The following MICAL1 variants were observed in gnomAD, a reference collection of about 807,000 sequenced individuals.
The protein encoded by MICAL1 is [F-actin]-monooxygenase MICAL1.
Under a neutral mutation model 131.8 loss-of-function variants are expected in MICAL1, and 95 were observed. That is an observed-to-expected ratio of 0.72 (90% CI 0.61 to 0.86). MICAL1 has a LOEUF of 0.86. MICAL1 is among the 40% of genes least tolerant of loss of function. The pLI is 0.00. For missense variants in MICAL1, 1,292 were observed against 1,380.6 expected, an observed-to-expected ratio of 0.94 and a Z score of 1.02; for synonymous variants, 546 against 554.2, an observed-to-expected ratio of 0.99 and a Z score of 0.21.
chr6:109,452,337 T>C lies in MICAL1; in HGVS notation c.741A>G (p.Gly247=). The part of the protein sequence containing the change: ...AIGITANFVN[G]RTVEETQVPE... ...GCACCTGTGTCTCCTCCACGGTGCG[T>C]CCATTCACAAAGTTGGCTGTGATGC... Residue 247 remains glycine (G), a synonymous_variant, in exon 6 of 25, where the codon GGA becomes GGG. Coordinates refer to ENST00000358807, the MANE Select transcript of MICAL1 (RefSeq NM_022765.4). The C allele has an allele frequency of 6.2e-7, 1 of 1,614,180 alleles. No homozygotes were observed. Among genetic ancestry groups the C allele is most frequent in the Non-Finnish European group, 8.5e-7 (1 of 1,180,032 alleles).
intron 7 of MICAL1, 42 bp downstream of exon 7, chr6:109,451,558 G>A: frequency 6.2e-7 from 1 of 1,610,188 alleles, no homozygotes. Flanking sequence ...CTGCCTCCCG[G>A]GGCTCACCAC....
At chr6:109,457,444 G>C (rs945103305), upstream of MICAL1, among the ~76,000 whole-genome samples, 1 of 152,114 alleles carries the variant, frequency 6.6e-6, no homozygotes, top group African/African-American at 2.4e-5. Flanking sequence ...GGCATTATAC[G>C]AAGCTATGTC....
chr6:109,444,553 C>G (rs895520102), intron 24 of MICAL1, among the ~76,000 whole-genome samples, 172 bp downstream of exon 24: 6 of 152,196 alleles, frequency 3.9e-5, no homozygotes, highest in Non-Finnish European at 8.8e-5. Flanking sequence ...CTGTGCAGCT[C>G]TGATTGAACT....
chr6:109,459,666 T>G (rs1167234189), upstream of MICAL1, among the ~76,000 whole-genome samples: 3 of 152,196 alleles, frequency 2.0e-5, no homozygotes, highest in Non-Finnish European at 4.4e-5. Flanking sequence ...ACACAAGGAC[T>G]CTACCTTGAG....
Position 109,451,640 on chromosome 6 carries a change from G to T in MICAL1, c.893C>A (p.Ala298Asp), listed in dbSNP as rs1271582285. 2.5e-6 allele frequency: 4 copies of T among 1,614,064 alleles called. No individual in the cohort carries two copies. The highest frequency in any genetic ancestry group is 3.4e-6 in the Non-Finnish European group (4 of 1,179,986). ...KDDTHYFVMT[A>D]KKQCLLRLGV... The stretch of plus-strand genomic sequence containing the variant: ...CAGCCGCAGCAGGCACTGCTTCTTG[G>T]CTGTCATCACAAAGTAGTGGGTGTC... Residue 298 changes from alanine (A) to aspartate (D), a missense_variant, in exon 7 of 25, where the codon GCC becomes GAC. Transcript: ENST00000358807.
chr6:109,462,335 A>G (rs1775909775), intron 1 of MICAL1, among the ~76,000 whole-genome samples: 1 of 152,226 alleles, frequency 6.6e-6, no homozygotes, highest in African/African-American at 2.4e-5. Context: ...TATGGTAGTC[A>G]TGGCAAACTA....
chr6:109,445,128 C>T lies in MICAL1; in HGVS notation c.2881+69G>A, dbSNP rs1775150560. Reference sequence around the variant, plus strand: ...GCTGTGTGGCATAGCCACTGGGACTCCTACGGGCTGGAGCGTGGAGCTGAA... The same window carrying T: ...GCTGTGTGGCATAGCCACTGGGACTTCTACGGGCTGGAGCGTGGAGCTGAA... On this transcript the variant is annotated intron_variant, in intron 22 of 24. Transcript: ENST00000358807. 8 of 1,593,476 alleles carry T rather than the reference C, an allele frequency of 5.0e-6. No individual in the cohort carries two copies. The South Asian group carries it at 7.7e-5, about 15-fold the overall frequency.
chr6:109,454,071 A>T lies in MICAL1; in HGVS notation c.126T>A (p.Gly42=), dbSNP rs1275915052. The part of the protein sequence containing the change: ...ELCGALGLEP[G]GGLPQYHKIK... ...TCTTGTGGTACTGGGGCAGCCCCCC[A>T]CCGGGTTCCAGCCCCAGGGCCCCAC... Residue 42 remains glycine, a synonymous_variant, in exon 2 of 25, where the codon GGT becomes GGA. Coordinates refer to ENST00000358807, the MANE Select transcript of MICAL1 (RefSeq NM_022765.4). 2 of 1,613,814 alleles carry T rather than the reference A, an allele frequency of 1.2e-6. No individual in the cohort carries two copies. Among genetic ancestry groups the T allele is most frequent in the South Asian group, 2.2e-5 (2 of 91,074 alleles).
Position 109,449,722 on chromosome 6 carries a change from G to A in MICAL1, c.1369C>T (p.Gln457Ter), listed in dbSNP as rs199774053. ...SPENMHRNVAQYGLDPATRYP... is the reference protein window; with the variant it reads ...SPENMHRNVA The stretch of plus-strand genomic sequence containing the variant: ...CGGGTGGCTGGGTCCAGCCCATACT[G>A]GGCCACATTGCGATGCATGTTTTCT... Residue 457 changes from glutamine to a stop codon, truncating the protein, a stop_gained, in exon 10 of 25, where the codon CAG (glutamine) becomes TAG (stop). Transcript: ENST00000358807. LOFTEE classifies it high-confidence loss of function. 56 of 1,601,724 alleles carry A rather than the reference G, an allele frequency of 3.5e-5. No homozygotes were observed. The East Asian group carries it at 1.2e-3, about 35-fold the overall frequency.
At position 109,447,882 on chromosome 6, in the gene MICAL1, C is replaced by T. The variant is rs150285580; in HGVS notation, c.1937G>A (p.Arg646Gln). 76 of 1,613,230 alleles carry T rather than the reference C, an allele frequency of 4.7e-5. No homozygotes were observed. In the Middle Eastern group the frequency reaches 1.3e-3, roughly 28 times the overall value. Residue 646 changes from arginine to glutamine, a missense_variant, in exon 14 of 25, where the codon CGG becomes CAG. Transcript: ENST00000358807. ...SKLQRTLQRSRAKENAEDAGG... is the reference protein window; with the variant it reads ...SKLQRTLQRSQAKENAEDAGG... ...CCTGCCTAAACTCTCCACCTTGGCC[C>T]GGGATCGCTGCAGGGTCCTCTGAAG...
In MICAL1 at chr6:109,453,782, C is replaced by G; in HGVS notation, c.322G>C (p.Ala108Pro). The G allele has an allele frequency of 1.2e-6, 2 of 1,613,718 alleles. No homozygotes were observed. The highest frequency in any genetic ancestry group is 1.7e-6 in the Non-Finnish European group (2 of 1,180,008). ...CGCTTTTCCACCAGCACCACTCGGG[C>G]CCCCAGCAGCGCCAGCTCCACAGCG... The part of the protein sequence containing the change: ...RVAVELALLG[A>P]RVVLVEKRTK... The change falls in exon 3 of 25, where the codon GCC (alanine) becomes CCC (proline). Residue 108 changes from alanine (A) to proline (P), a missense_variant. Transcript: ENST00000358807.
At chr6:109,461,106 G>GC (rs1478766732) in intron 1 of MICAL1, among the ~76,000 whole-genome samples, 3 of 72,388 alleles carry the variant, frequency 4.1e-5, no homozygotes, top group East Asian at 3.9e-4. Flanking sequence ...CCCTCCCCCA[G>GC]CCCCCCACCC....
chr6:109,446,566 C>T (rs1775227575), intron 18 of MICAL1, 130 bp downstream of exon 18: 15 of 1,340,506 alleles, frequency 1.1e-5, no homozygotes, highest in Admixed American at 9.7e-5. Context: ...AGCAGACAGG[C>T]ATCCCTGCCT....
At chr6:109,445,742 G>A (rs778667952) in intron 20 of MICAL1, 29 bp downstream of exon 20, 47 of 1,598,512 alleles carry the variant, frequency 2.9e-5, no homozygotes, top group Admixed American at 1.0e-4. Flanking sequence ...GCTGGAGAGC[G>A]TTTTGTGGCT....
At chr6:109,456,717 G>A (rs1775761153), upstream of MICAL1, among the ~76,000 whole-genome samples, 1 of 152,210 alleles carries the variant, frequency 6.6e-6, no homozygotes, top group Non-Finnish European at 1.5e-5. Flanking sequence ...CTTTTAGCTA[G>A]TTAATATTAA....
intron 1 of MICAL1, chr6:109,463,652 T>C (rs1301430544): frequency 3.3e-5 from 5 of 152,230 alleles, no homozygotes. Context: ...TAAATACAGA[T>C]CAAGTATGTC....
intron 1 of MICAL1, chr6:109,464,469 C>T (rs1000131103): frequency 6.6e-6 from 1 of 152,116 alleles, no homozygotes; most frequent in African/African-American, 2.4e-5. Flanking sequence ...TATACTAGTG[C>T]CCACCTTCTT....
At chr6:109,448,710 G>C in intron 12 of MICAL1, 22 bp downstream of exon 12, 1 of 1,613,240 alleles carries the variant, frequency 6.2e-7, no homozygotes, top group South Asian at 1.1e-5. Flanking sequence ...ATGAGAGAGA[G>C]GTGGGTCTGC....
At chr6:109,449,178 G>A in intron 11 of MICAL1, 2 of 686,828 alleles carry the variant, frequency 2.9e-6, no homozygotes, top group South Asian at 3.3e-5. Flanking sequence ...TGTAACGGTG[G>A]TTCAAACACT....
Sources: allele counts gnomAD v4.1 joint callset (sites outside exome capture counted in the v4.1 genomes callset), GRCh38; gene constraint gnomAD v4.1.1; transcripts MANE v1.5; gene names NCBI Gene and HGNC (gene_info 2026-07-23, HGNC 2026-07-21).